NRXN3: variants seen among roughly 807,000 people sequenced by gnomAD.
The protein encoded by NRXN3 is neurexin 3.
Under a neutral mutation model 137.6 loss-of-function variants are expected in NRXN3, and 32 were observed. The ratio of observed to expected loss-of-function variants is 0.23; its 90% confidence interval spans 0.18 to 0.31. NRXN3 has a LOEUF of 0.31. NRXN3 is among the 10% of genes least tolerant of loss of function. The pLI is 1.00. For missense variants in NRXN3, 1,574 were observed against 2,062.5 expected, an observed-to-expected ratio of 0.76 and a Z score of 4.59; for synonymous variants, 798 against 784.5, an observed-to-expected ratio of 1.02 and a Z score of -0.29.
intron 4 of NRXN3, among the ~76,000 whole-genome samples, chr14:78,587,095 A>C (rs1030250109): frequency 6.6e-6 from 1 of 152,200 alleles, no homozygotes; most frequent in African/African-American, 2.4e-5. Context: ...TAGGGAAAGA[A>C]ATACTTTGCA....
chr14:78,631,213 CT>C (rs1376223370), intron 4 of NRXN3, among the ~76,000 whole-genome samples: 3 of 152,128 alleles, frequency 2.0e-5, no homozygotes, highest in African/African-American at 4.8e-5. Context: ...TTGCAGATAC[CT>C]ACATGGAGAT....
At chr14:79,696,394 C>G (rs532328567) in intron 18 of NRXN3, among the ~76,000 whole-genome samples, 6 of 151,792 alleles carry the variant, frequency 4.0e-5, no homozygotes, top group African/African-American at 1.5e-4. Context: ...ATGAGTGGAG[C>G]GTTGTTTGAT....
chr14:79,749,076 T>C (rs2098988792), intron 19 of NRXN3, among the ~76,000 whole-genome samples: 1 of 152,054 alleles, frequency 6.6e-6, no homozygotes, highest in Admixed American at 6.6e-5. Flanking sequence ...GCTTTTCTCT[T>C]GATCTAATTG....
intron 8 of NRXN3, among the ~76,000 whole-genome samples, chr14:78,770,252 A>G (rs2098722760): frequency 6.6e-6 from 1 of 152,096 alleles, no homozygotes. Context: ...GGGTTTAGGA[A>G]CTGAACCCAG....
chr14:78,925,019 A>G (rs926189335), intron 10 of NRXN3, among the ~76,000 whole-genome samples: 1 of 152,184 alleles, frequency 6.6e-6, no homozygotes, highest in African/African-American at 2.4e-5. Flanking sequence ...TCCAATAGCA[A>G]TGGCAAACAA....
chr14:79,746,678 G>A (rs1356604242), intron 19 of NRXN3, among the ~76,000 whole-genome samples: 1 of 152,044 alleles, frequency 6.6e-6, no homozygotes, highest in East Asian at 1.9e-4. Flanking sequence ...TCTTGTCCTT[G>A]GAGGGAACAA....
chr14:78,699,564 A>AAC (rs2098259506), intron 6 of NRXN3, among the ~76,000 whole-genome samples: 2 of 152,230 alleles, frequency 1.3e-5, no homozygotes, highest in South Asian at 4.1e-4. Flanking sequence ...CTAGTGGTTC[A>AAC]GCAAGGTATG....
chr14:79,052,328 A>G (rs2099643146), intron 15 of NRXN3, among the ~76,000 whole-genome samples: 1 of 152,236 alleles, frequency 6.6e-6, no homozygotes. Flanking sequence ...AATTCAGATA[A>G]GCCTTGAGCT....
intron 4 of NRXN3, among the ~76,000 whole-genome samples, chr14:78,583,893 T>C (rs1203125611): frequency 1.3e-5 from 2 of 152,184 alleles, no homozygotes; most frequent in Non-Finnish European, 2.9e-5. Context: ...AAACATAACA[T>C]ACTGTCTGCC....
intron 10 of NRXN3, among the ~76,000 whole-genome samples, chr14:78,834,181 T>A (rs2098989935): frequency 6.6e-6 from 1 of 152,120 alleles, no homozygotes. Flanking sequence ...TTGCATCTTA[T>A]TCTAGGAGCG....
At chr14:78,662,000 G>A (rs574607574) in intron 6 of NRXN3, among the ~76,000 whole-genome samples, 8 of 150,894 alleles carry the variant, frequency 5.3e-5, no homozygotes, top group South Asian at 4.2e-4. Flanking sequence ...CTCAGTCTCC[G>A]AAGTAGCTGG....
At chr14:79,088,752 A>T (rs1189383227) in intron 15 of NRXN3, among the ~76,000 whole-genome samples, 2 of 152,168 alleles carry the variant, frequency 1.3e-5, no homozygotes, top group Non-Finnish European at 2.9e-5. Flanking sequence ...TTTCTTTGTT[A>T]TATCAGCCCT....
rs148002124 is a variant in NRXN3 at position 78,580,410 on chromosome 14, G to T, written c.758-64710G>T. On this transcript the variant is annotated intron_variant, in intron 4 of 20. Transcript: ENST00000335750. ...GACACCAGGCTCATTGGTAATCATGGACTCACTTCTCCCATCTGAAGTATT... is the reference window on the plus strand; with the variant it reads ...GACACCAGGCTCATTGGTAATCATGTACTCACTTCTCCCATCTGAAGTATT... Among the ~76,000 whole-genome samples, 180 of 152,222 alleles carry T rather than the reference G, an allele frequency of 1.2e-3. 4 individuals are homozygous for T. The highest frequency in any genetic ancestry group is 4.2e-3 in the African/African-American group (174 of 41,536).
intron 15 of NRXN3, among the ~76,000 whole-genome samples, chr14:79,172,395 C>T (rs1417713692): frequency 6.6e-6 from 1 of 151,998 alleles, no homozygotes; most frequent in Non-Finnish European, 1.5e-5. Context: ...TGCCTTATGG[C>T]ATTTACCTTT....
intron 10 of NRXN3, among the ~76,000 whole-genome samples, chr14:78,861,531 C>T (rs2099072310): frequency 6.6e-6 from 1 of 152,106 alleles, no homozygotes; most frequent in African/African-American, 2.4e-5. Context: ...GTAATACCAA[C>T]TCTTAAAACA....
chr14:79,812,504 G>C (rs1314311030), intron 20 of NRXN3, among the ~76,000 whole-genome samples: 2 of 137,456 alleles, frequency 1.5e-5, no homozygotes, highest in Non-Finnish European at 3.2e-5. Flanking sequence ...CCTTATCAGG[G>C]ATATGCAAGA....
intron 19 of NRXN3, among the ~76,000 whole-genome samples, chr14:79,753,484 A>G (rs909248087): frequency 1.8e-4 from 26 of 146,868 alleles, no homozygotes; most frequent in African/African-American, 6.5e-4. Flanking sequence ...AAAACAAAAC[A>G]CCGCATGTTC....
intron 16 of NRXN3, among the ~76,000 whole-genome samples, chr14:79,597,882 A>T (rs1429457862): frequency 6.6e-6 from 1 of 152,184 alleles, no homozygotes; most frequent in Non-Finnish European, 1.5e-5. Context: ...CAGAGGAAAA[A>T]ATTAAACCAG....
rs150252345 is a variant in NRXN3 at position 78,209,836 on chromosome 14, C to A, written c.-703-32555C>A. 3.2e-3 allele frequency among the ~76,000 whole-genome samples: 491 copies of A among 152,280 alleles called. 7 individuals are homozygous for A. The highest frequency in any genetic ancestry group is 0.011 in the African/African-American group (477 of 41,560). On this transcript the variant is annotated intron_variant, in intron 1 of 20. Coordinates refer to ENST00000335750, the MANE Select transcript of NRXN3 (RefSeq NM_001330195.2). Reference sequence around the variant, plus strand: ...CCTTTGTTTTAAATTGCAGTCCTCTCCCTCAGCACTCTTAATTCCTTCTTA... The same window carrying A: ...CCTTTGTTTTAAATTGCAGTCCTCTACCTCAGCACTCTTAATTCCTTCTTA...
Sources: gnomAD v4.1 joint callset for allele counts (sites outside exome capture counted in the v4.1 genomes callset) on GRCh38, gnomAD v4.1.1 for gene constraint, MANE v1.5 for transcripts, NCBI Gene and HGNC (gene_info 2026-07-23, HGNC 2026-07-21) for gene names.